The following EXD2 variants were observed in gnomAD, a reference collection of about 807,000 sequenced individuals.
The protein encoded by EXD2 is exonuclease 3'-5' domain containing 2.
In EXD2, 40 loss-of-function variants were observed where a neutral mutation model predicts 62.5. That is an observed-to-expected ratio of 0.64 (90% confidence interval 0.50 to 0.83). EXD2 has a LOEUF of 0.83. Ranked by LOEUF, EXD2 falls within the 40% of genes least tolerant of loss-of-function variation. EXD2 has a pLI of 0.00. For synonymous variants in EXD2, 239 were observed against 291.9 expected (o/e 0.82, Z 1.85); for missense variants, 671 against 761.8 (o/e 0.88, Z 1.40).
In EXD2 at chr14:69,210,603, G is replaced by T. The variant is rs554791547; in HGVS notation, c.333+800G>T. On this transcript the variant is annotated intron_variant, in intron 3 of 9. Coordinates refer to ENST00000685843, the MANE Select transcript of EXD2 (RefSeq NM_001193360.2). ...TGGGGAAAATCAGTTGAGGCGGGGA[G>T]TTTAATACCAGTCAGCCAGGTCAGC... Among the ~76,000 whole-genome samples, 4 of 152,214 alleles carry T rather than the reference G, an allele frequency of 2.6e-5. No individual in the cohort carries two copies. The East Asian group carries it at 7.7e-4, about 29-fold the overall frequency.
chr14:69,226,540 G>C (rs2043369023), intron 3 of EXD2, among the ~76,000 whole-genome samples: 1 of 152,140 alleles, frequency 6.6e-6, no homozygotes, highest in South Asian at 2.1e-4. Context: ...TTGAGGTCAG[G>C]AGTTTGAGAC....
At position 69,243,561 on chromosome 14, in the gene EXD2, T is replaced by C. The variant is rs2044035057; in HGVS notation, c.*2461T>C. Reference sequence around the variant, plus strand: ...GGTTCTACCTTATCCATCCCCACACTGTTGAAAATTTTGGTTGTTTCAGAT... The same window carrying C: ...GGTTCTACCTTATCCATCCCCACACCGTTGAAAATTTTGGTTGTTTCAGAT... On this transcript the variant is annotated 3_prime_UTR_variant, in exon 10 of 10. Coordinates refer to ENST00000685843, the MANE Select transcript of EXD2 (RefSeq NM_001193360.2). The C allele has an allele frequency of 6.6e-6, 1 of 152,192 alleles. No homozygotes were observed. The highest frequency in any genetic ancestry group is 2.4e-5 in the African/African-American group (1 of 41,454). 9.4% of individuals were successfully genotyped at this position (152,192 alleles called of 1,614,324 possible). A position where few individuals can be genotyped will look rare whatever the true frequency, so the allele number is the denominator to read the frequency against.
At position 69,201,785 on chromosome 14, in the gene EXD2, C is replaced by G. The variant is rs185506448; in HGVS notation, c.-131-2132C>G. Among the ~76,000 whole-genome samples the G allele has an allele frequency of 2.7e-5, 4 of 147,000 alleles. No individual in the cohort carries two copies. The East Asian group carries it at 8.2e-4, about 30-fold the overall frequency. On this transcript the variant is annotated intron_variant, in intron 1 of 9. Coordinates refer to ENST00000685843, the MANE Select transcript of EXD2 (RefSeq NM_001193360.2). ...GCAAGCTCCGCCTCCCGGGTTCAAG[C>G]GATTCTTCTGCCTCAGCCTCCTGAG...
At chr14:69,213,537 A>ATTTTTTTTTTTTT (rs746653694) in intron 3 of EXD2, among the ~76,000 whole-genome samples, 1 of 76,538 alleles carries the variant, frequency 1.3e-5, no homozygotes, top group Non-Finnish European at 2.3e-5. Flanking sequence ...CACCTGGATA[A>ATTTTTTTTTTTTT]TTTTTTTTTT....
chr14:69,201,490 C>T (rs1482422568), intron 1 of EXD2, among the ~76,000 whole-genome samples: 1 of 151,974 alleles, frequency 6.6e-6, no homozygotes, highest in Non-Finnish European at 1.5e-5. Flanking sequence ...TGCCCACCTA[C>T]ATTTTACAGT....
Position 69,242,131 on chromosome 14 carries a change from G to A in EXD2, c.*1031G>A, listed in dbSNP as rs1381309766. The A allele has an allele frequency of 1.0e-5, 4 of 398,258 alleles. No individual in the cohort carries two copies. Among genetic ancestry groups the A allele is most frequent in the Admixed American group, 4.4e-5 (1 of 22,712 alleles). 24.7% of individuals were successfully genotyped at this position (398,258 alleles called of 1,614,324 possible). The stretch of plus-strand genomic sequence containing the variant: ...TACATTAGATGTTCAAAAGAGGAGC[G>A]TTGTTTCATCTTTCAAAATGTTAGG... On this transcript the variant is annotated 3_prime_UTR_variant, in exon 10 of 10. Transcript: ENST00000685843.
chr14:69,201,717 C>G (rs564772603), intron 1 of EXD2, among the ~76,000 whole-genome samples: 1 of 107,212 alleles, frequency 9.3e-6, no homozygotes, highest in East Asian at 3.1e-4. Flanking sequence ...GAGTCTTGCT[C>G]TGTTGCCCAG....
intron 1 of EXD2, among the ~76,000 whole-genome samples, chr14:69,200,969 G>A (rs1594725434): frequency 6.6e-6 from 1 of 151,720 alleles, no homozygotes. Context: ...AGCTACTTGG[G>A]AGGCTGAGGC....
In EXD2 at chr14:69,240,047, G is replaced by A. The variant is rs569310932; in HGVS notation, c.1650-837G>A. 1.4e-3 allele frequency among the ~76,000 whole-genome samples: 215 copies of A among 152,316 alleles called. 5 individuals are homozygous for A. In the South Asian group the frequency reaches 0.028, roughly 20 times the overall value. On this transcript the variant is annotated intron_variant, in intron 9 of 9. Transcript: ENST00000685843. The stretch of plus-strand genomic sequence containing the variant: ...GGAGACAGGCAAGTTAGTGGGAAGC[G>A]CATGAGCTAAATATTAATAATAAAG...
intron 1 of EXD2, among the ~76,000 whole-genome samples, chr14:69,195,185 C>T (rs1294429761): frequency 2.6e-5 from 4 of 151,352 alleles, no homozygotes; most frequent in Non-Finnish European, 5.9e-5. Flanking sequence ...CCACTGCACT[C>T]CAGCCTGAGT....
At chr14:69,205,379 C>T (rs2042556387) in intron 2 of EXD2, among the ~76,000 whole-genome samples, 1 of 152,108 alleles carries the variant, frequency 6.6e-6, no homozygotes, top group African/African-American at 2.4e-5. Flanking sequence ...CTTTATCTGT[C>T]TACTACATTC....
intron 3 of EXD2, among the ~76,000 whole-genome samples, chr14:69,216,364 A>T (rs187547407): frequency 8.7e-4 from 133 of 152,252 alleles, no homozygotes; most frequent in Non-Finnish European, 1.5e-3. Flanking sequence ...ATAACTCTGG[A>T]TATCTGGGGC....
chr14:69,237,019 C>T (rs533382199), intron 8 of EXD2, among the ~76,000 whole-genome samples: 1 of 152,352 alleles, frequency 6.6e-6, no homozygotes, highest in East Asian at 1.9e-4. Context: ...CTTGGGCTTT[C>T]TCCCTGGCTT....
chr14:69,220,277 T>TTTTC, intron 3 of EXD2, among the ~76,000 whole-genome samples: 1 of 109,170 alleles, frequency 9.2e-6, no homozygotes, highest in Non-Finnish European at 1.9e-5. Flanking sequence ...TTTTTTTTTT[T>TTTTC]TTTTTTTTTT....
Position 69,243,263 on chromosome 14 carries a change from T to G in EXD2, c.*2163T>G, listed in dbSNP as rs1013921002. The G allele has an allele frequency of 6.6e-6, 1 of 152,242 alleles. No homozygotes were observed. The highest frequency in any genetic ancestry group is 2.4e-5 in the African/African-American group (1 of 41,480). 9.4% of individuals were successfully genotyped at this position (152,242 alleles called of 1,614,324 possible). On this transcript the variant is annotated 3_prime_UTR_variant, in exon 10 of 10. Transcript: ENST00000685843. Reference sequence around the variant, plus strand: ...TTATTTTATGGCAAATGTCTATTTTTCTGATATAAAAGTAACAATGCTCAT... The same window carrying G: ...TTATTTTATGGCAAATGTCTATTTTGCTGATATAAAAGTAACAATGCTCAT...
intron 3 of EXD2, among the ~76,000 whole-genome samples, chr14:69,217,022 A>G (rs1015396736): frequency 6.6e-6 from 1 of 151,996 alleles, no homozygotes; most frequent in Non-Finnish European, 1.5e-5. Flanking sequence ...GCCTGTGGTA[A>G]ACACTATTCT....
chr14:69,211,920 C>T (rs2042817274), intron 3 of EXD2, among the ~76,000 whole-genome samples: 1 of 152,192 alleles, frequency 6.6e-6, no homozygotes, highest in Admixed American at 6.5e-5. Flanking sequence ...AACCCCACCT[C>T]ATTTTGACTT....
rs1052562287 is a variant in EXD2, at chr14:69,241,777, C to G, written c.*677C>G. On this transcript the variant is annotated 3_prime_UTR_variant, in exon 10 of 10. Transcript: ENST00000685843. The stretch of plus-strand genomic sequence containing the variant: ...GGAGAAATCCTTTTCTGGACATGAG[C>G]CTTTGACCTGGGTGGGGCAGAAAGA... The G allele has an allele frequency of 5.0e-6, 2 of 398,426 alleles. No individual in the cohort carries two copies. The highest frequency in any genetic ancestry group is 1.3e-4 in the South Asian group (1 of 7,510). 24.7% of individuals were successfully genotyped at this position (398,426 alleles called of 1,614,324 possible). A position where few individuals can be genotyped will look rare whatever the true frequency, so the allele number is the denominator to read the frequency against.
At chr14:69,213,697 A>G (rs1336126557) in intron 3 of EXD2, among the ~76,000 whole-genome samples, 2 of 149,124 alleles carry the variant, frequency 1.3e-5, no homozygotes. Context: ...TTTTTGAGAC[A>G]GAGTCTCCAA....
Sources: allele counts gnomAD v4.1 joint callset (sites outside exome capture counted in the v4.1 genomes callset), GRCh38; gene constraint gnomAD v4.1.1; transcripts MANE v1.5; gene names NCBI Gene and HGNC (gene_info 2026-07-23, HGNC 2026-07-21).